SCNN1G: variants seen among roughly 807,000 people sequenced by gnomAD.
SCNN1G encodes sodium channel epithelial 1 subunit gamma.
Under a neutral mutation model 64.6 loss-of-function variants are expected in SCNN1G, and 27 were observed. The observed-to-expected ratio is 0.42, with a 90% CI of 0.31 to 0.58. The LOEUF is 0.58. SCNN1G is among the 20% of genes least tolerant of loss of function. The probability of loss-of-function intolerance (pLI) is 0.18; values close to 1 mark genes in which losing one functional copy is unlikely to be tolerated. For missense variants in SCNN1G, 743 were observed against 823.4 expected (o/e 0.90, Z 1.19); for synonymous variants, 330 against 314.2 (o/e 1.05, Z -0.53).
chr16:23,197,781 G>A (rs1959821118), intron 6 of SCNN1G, among the ~76,000 whole-genome samples: 1 of 152,018 alleles, frequency 6.6e-6, no homozygotes, highest in African/African-American at 2.4e-5. Flanking sequence ...TAGGGAGGCT[G>A]AGGCAAGAGA....
intron 2 of SCNN1G, among the ~76,000 whole-genome samples, chr16:23,187,541 C>G (rs895360249): frequency 6.6e-6 from 1 of 152,170 alleles, no homozygotes; most frequent in Non-Finnish European, 1.5e-5. Context: ...CCAAATTAGC[C>G]AACCCCCATC....
chr16:23,213,285 C>T (rs1304090127), intron 11 of SCNN1G, 122 bp downstream of exon 11: 5 of 695,142 alleles, frequency 7.2e-6, no homozygotes, highest in Non-Finnish European at 1.2e-5. Context: ...TGGAGTCTTA[C>T]TCTGTCACCC....
chr16:23,215,032 G>A, intron 12 of SCNN1G, 57 bp from the exon 13 acceptor site: 1 of 1,608,512 alleles, frequency 6.2e-7, no homozygotes, highest in South Asian at 1.1e-5. Context: ...GGGTTCCTGT[G>A]TGAGGCCAAC....
At chr16:23,188,836 G>A (rs1959656359) in intron 2 of SCNN1G, among the ~76,000 whole-genome samples, 1 of 152,158 alleles carries the variant, frequency 6.6e-6, no homozygotes, top group Admixed American at 6.5e-5. Context: ...AAAATTAAAA[G>A]ATGGTATATT....
chr16:23,211,905 A>C, intron 7 of SCNN1G, 129 bp from the exon 8 acceptor site: 1 of 766,904 alleles, frequency 1.3e-6, no homozygotes, highest in Admixed American at 1.7e-5. Context: ...CCCAGTTGGC[A>C]TAAGGGGCAG....
In SCNN1G at chr16:23,213,083, C is replaced by G. The variant is rs555242110; in HGVS notation, c.1432-19C>G. ...CCTCTCAGGCACCCTCAGGCCCACG[C>G]TTTCTCTCTCCGTTGTAGAAGTGGT... On this transcript the variant is annotated intron_variant, in intron 10 of 12. Coordinates refer to ENST00000300061, the MANE Select transcript of SCNN1G (RefSeq NM_001039.4). 1 of 1,612,794 alleles carries G rather than the reference C, an allele frequency of 6.2e-7. No individual in the cohort carries two copies. Among genetic ancestry groups the G allele is most frequent in the Admixed American group, 1.7e-5 (1 of 60,010 alleles).
chr16:23,195,327 T>G (rs184085877), intron 5 of SCNN1G, among the ~76,000 whole-genome samples: 148 of 152,340 alleles, frequency 9.7e-4, no homozygotes, highest in Non-Finnish European at 1.8e-3. Flanking sequence ...ACCCTCAAAA[T>G]AATACCACTG....
chr16:23,211,897 C>A (rs1340892164), intron 7 of SCNN1G, 137 bp from the exon 8 acceptor site: 5 of 753,860 alleles, frequency 6.6e-6, no homozygotes, highest in Non-Finnish European at 9.7e-6. Context: ...ATGCCCAGCC[C>A]AGTTGGCATA....
chr16:23,192,663 A>G, intron 4 of SCNN1G, 121 bp downstream of exon 4: 1 of 799,806 alleles, frequency 1.3e-6, no homozygotes, highest in Non-Finnish European at 2.1e-6. Context: ...CTTCTCACTG[A>G]TGCTGCCTTT....
chr16:23,202,271 G>A (rs917232744), intron 6 of SCNN1G, among the ~76,000 whole-genome samples: 2 of 148,852 alleles, frequency 1.3e-5, no homozygotes, highest in African/African-American at 4.9e-5. Flanking sequence ...TGGGTGGATG[G>A]ATGGATGGAT....
At chr16:23,199,265 G>T (rs556160345) in intron 6 of SCNN1G, among the ~76,000 whole-genome samples, 1 of 152,294 alleles carries the variant, frequency 6.6e-6, no homozygotes, top group African/African-American at 2.4e-5. Context: ...TAATGCTATA[G>T]CTGGGAAATG....
intron 6 of SCNN1G, among the ~76,000 whole-genome samples, chr16:23,204,737 T>C (rs1959962911): frequency 6.6e-6 from 1 of 152,126 alleles, no homozygotes; most frequent in African/African-American, 2.4e-5. Context: ...TAATGAGAGT[T>C]CTTCCTCTTT....
chr16:23,202,672 G>A (rs1959911767), intron 6 of SCNN1G, among the ~76,000 whole-genome samples: 1 of 152,216 alleles, frequency 6.6e-6, no homozygotes, highest in South Asian at 2.1e-4. Flanking sequence ...TGGCTGTGGA[G>A]ATGAGCAGAG....
chr16:23,204,334 T>TATAGAGAGAGAGAG (rs1567267153), intron 6 of SCNN1G, among the ~76,000 whole-genome samples: 1 of 15,176 alleles, frequency 6.6e-5, no homozygotes, highest in Non-Finnish European at 1.1e-4. Context: ...TATATATATA[T>TATAGAGAGAGAGAG]AGAGAGAGAG....
intron 1 of SCNN1G, 42 bp from the exon 2 acceptor site, chr16:23,186,186 A>G (rs1204620656): frequency 1.5e-6 from 2 of 1,291,688 alleles, no homozygotes; most frequent in African/African-American, 1.5e-5. Flanking sequence ...CTAGCCGGCT[A>G]GTGCCTGCCA....
rs763601481 is a variant in SCNN1G at position 23,189,591 on chromosome 16, C to T, written c.538C>T (p.Arg180Trp). 7.4e-6 allele frequency: 12 copies of T among 1,614,074 alleles called. No individual in the cohort carries two copies. The highest frequency in any genetic ancestry group is 4.5e-5 in the East Asian group (2 of 44,892). The change falls in exon 3 of 13, where the codon CGG (arginine) becomes TGG (tryptophan). Residue 180 changes from arginine to tryptophan, a missense_variant. Arg to Trp is a moderately radical substitution (Grantham distance 101). Transcript: ENST00000300061. ...CAGGGACTTCTTCACAGGGAGGAAG[C>T]GGAAAGTCGGCGGTAGCATCATTCA... ...KARDFFTGRK[R>W]KVGGSIIHKA... is the part of the protein sequence containing the mutation.
chr16:23,196,154 G>C lies in SCNN1G; in HGVS notation c.914-1110G>C, dbSNP rs559383412. The C allele has an allele frequency of 1.8e-4, 27 of 152,488 alleles. 1 individual carries two copies. The highest frequency in any genetic ancestry group is 6.0e-4 in the African/African-American group (25 of 41,562). 9.4% of individuals were successfully genotyped at this position (152,488 alleles called of 1,614,324 possible). A position where few individuals can be genotyped will look rare whatever the true frequency, so the allele number is the denominator to read the frequency against. On this transcript the variant is annotated intron_variant, in intron 5 of 12. Coordinates refer to ENST00000300061, the MANE Select transcript of SCNN1G (RefSeq NM_001039.4). ...AGACAGAGTGGCTGGGGTCAGGATG[G>C]GGGGGTTAGTTTGGATAAGAAGGCC... is the stretch of plus-strand genomic sequence containing the variant.
Position 23,215,837 on chromosome 16 carries a change from G to C in SCNN1G, c.*368G>C, listed in dbSNP as rs985345032. 1.2e-4 allele frequency: 39 copies of C among 327,264 alleles called. No homozygotes were observed. Among genetic ancestry groups the C allele is most frequent in the African/African-American group, 8.1e-4 (38 of 47,048 alleles). The allele number at this position is 327,264 out of a possible 1,614,324, so 20.3% of individuals were successfully genotyped here. ...AGGACTCTTCCAAAGCCCCAAAGCC[G>C]AGGGTTTCACCCACACTGCCAGCCT... On this transcript the variant is annotated 3_prime_UTR_variant, in exon 13 of 13. Coordinates refer to ENST00000300061, the MANE Select transcript of SCNN1G (RefSeq NM_001039.4).
intron 6 of SCNN1G, among the ~76,000 whole-genome samples, chr16:23,203,145 G>C (rs142223517): frequency 1.1e-4 from 17 of 152,290 alleles, no homozygotes; most frequent in African/African-American, 3.8e-4. Context: ...TTTTACAGAA[G>C]GTGTGACCAA....
Sources: allele counts gnomAD v4.1 joint callset (sites outside exome capture counted in the v4.1 genomes callset), GRCh38; gene constraint gnomAD v4.1.1; transcripts MANE v1.5; gene names NCBI Gene and HGNC (gene_info 2026-07-23, HGNC 2026-07-21).